RABGAP1L: variants seen among roughly 807,000 people sequenced by gnomAD.
RABGAP1L encodes rab GTPase-activating protein 1-like.
A neutral mutation model predicts 137.7 loss-of-function variants in RABGAP1L; 63 were observed. The observed-to-expected ratio is 0.46, with a 90% CI of 0.37 to 0.56. The LOEUF is 0.56. Among genes scored for constraint, RABGAP1L ranks in the 20% least tolerant of loss-of-function variants. The pLI, the probability that RABGAP1L is intolerant of heterozygous loss-of-function variation, is 0.00. For missense variants in RABGAP1L, 1,095 were observed against 1,244.0 expected (o/e 0.88, Z 1.80); for synonymous variants, 431 against 433.7 (o/e 0.99, Z 0.08).
chr1:174,801,314 A>G (rs1688740198), intron 18 of RABGAP1L, among the ~76,000 whole-genome samples: 1 of 152,218 alleles, frequency 6.6e-6, no homozygotes, highest in East Asian at 1.9e-4. Context: ...ACCATTTTAG[A>G]CTATTTCCTC....
chr1:174,181,850 G>A (rs1666396394), intron 1 of RABGAP1L, among the ~76,000 whole-genome samples: 1 of 152,156 alleles, frequency 6.6e-6, no homozygotes, highest in African/African-American at 2.4e-5. Flanking sequence ...GAGGTGGGTA[G>A]GAATGATTAT....
At chr1:174,481,806 A>C (rs1050563095) in intron 13 of RABGAP1L, among the ~76,000 whole-genome samples, 13 of 151,936 alleles carry the variant, frequency 8.6e-5, no homozygotes, top group African/African-American at 2.9e-4. Flanking sequence ...GCGCACCAGC[A>C]TGGCACATGT....
In RABGAP1L at chr1:174,700,805, A is replaced by G. The variant is rs935887773; in HGVS notation, c.2025+1155A>G. 27 of 204,668 alleles carry G rather than the reference A, an allele frequency of 1.3e-4. No homozygotes were observed. In the East Asian group the frequency reaches 1.5e-3, roughly 11 times the overall value. The allele number at this position is 204,668 out of a possible 1,614,324, so 12.7% of individuals were successfully genotyped here. On this transcript the variant is annotated intron_variant, in intron 16 of 25. Coordinates refer to ENST00000681986, the MANE Select transcript of RABGAP1L (RefSeq NM_001366446.1). Reference sequence around the variant, plus strand: ...TTTAACGATTTAATTCTACCAAGTAAATATTTGGGATTACTCGCTTTTTGC... The same window carrying G: ...TTTAACGATTTAATTCTACCAAGTAGATATTTGGGATTACTCGCTTTTTGC...
chr1:174,805,448 A>G (rs1689198106), intron 18 of RABGAP1L, among the ~76,000 whole-genome samples: 1 of 152,210 alleles, frequency 6.6e-6, no homozygotes, highest in African/African-American at 2.4e-5. Context: ...AGGGAGCAAA[A>G]GACGGTTGTG....
chr1:174,259,551 A>C (rs1373815661), intron 7 of RABGAP1L, among the ~76,000 whole-genome samples: 2 of 152,238 alleles, frequency 1.3e-5, no homozygotes, highest in Non-Finnish European at 2.9e-5. Context: ...ATAAAGTTAG[A>C]GCATTGGCTA....
chr1:174,267,368 A>AT (rs1674163119), intron 7 of RABGAP1L, among the ~76,000 whole-genome samples: 1 of 152,236 alleles, frequency 6.6e-6, no homozygotes, highest in Non-Finnish European at 1.5e-5. Flanking sequence ...GAGATGTAGA[A>AT]TAAATAGCTG....
chr1:174,683,484 CTATT>C (rs776764499), intron 14 of RABGAP1L, 34 bp from the exon 15 acceptor site: 4 of 1,495,110 alleles, frequency 2.7e-6, no homozygotes, highest in Admixed American at 1.7e-5. Flanking sequence ...AAATCTGTGA[CTATT>C]TACGATATTT....
chr1:174,818,810 A>T (rs1573348647), intron 19 of RABGAP1L, among the ~76,000 whole-genome samples: 1 of 151,228 alleles, frequency 6.6e-6, no homozygotes, highest in Non-Finnish European at 1.5e-5. Context: ...GGAGTTTAAG[A>T]CCAGCCTGGG....
intron 13 of RABGAP1L, among the ~76,000 whole-genome samples, chr1:174,504,034 G>A (rs144488587): frequency 0.026 from 3,971 of 150,808 alleles, 74 homozygotes; most frequent in Middle Eastern, 0.083. Flanking sequence ...GTGCAGTGGT[G>A]TAATCTCGGC....
chr1:174,701,999 G>T, intron 16 of RABGAP1L, 114 bp from the exon 17 acceptor site: 1 of 924,326 alleles, frequency 1.1e-6, no homozygotes, highest in South Asian at 1.7e-5. Context: ...ACCAATACTA[G>T]AATAGAGTTA....
At chr1:174,720,323 A>G (rs1465772178) in intron 17 of RABGAP1L, among the ~76,000 whole-genome samples, 1 of 139,196 alleles carries the variant, frequency 7.2e-6, no homozygotes, top group Non-Finnish European at 1.5e-5. Flanking sequence ...TTTTTTTTTG[A>G]GACAGGGTCT....
chr1:174,196,262 C>T lies in RABGAP1L; in HGVS notation c.-33-22863C>T, dbSNP rs1270982714. 1.9e-4 allele frequency among the ~76,000 whole-genome samples: 28 copies of T among 145,598 alleles called. 1 individual carries two copies. Among genetic ancestry groups the T allele is most frequent in the African/African-American group, 6.1e-4 (24 of 39,530 alleles). On this transcript the variant is annotated intron_variant, in intron 1 of 25. Transcript: ENST00000681986. Reference sequence around the variant, plus strand: ...TTTTTGAGACTGAGTCTTGCTCTGTCGCCCAGGCTGGAGTGCAGTGGCACG... The same window carrying T: ...TTTTTGAGACTGAGTCTTGCTCTGTTGCCCAGGCTGGAGTGCAGTGGCACG...
chr1:174,857,978 T>C (rs1425069163), intron 19 of RABGAP1L, among the ~76,000 whole-genome samples: 2 of 152,174 alleles, frequency 1.3e-5, no homozygotes. Flanking sequence ...GAAAAACAAC[T>C]CCTCTCTATA....
At chr1:174,250,837 G>C (rs1045525946) in intron 6 of RABGAP1L, among the ~76,000 whole-genome samples, 1 of 152,058 alleles carries the variant, frequency 6.6e-6, no homozygotes, top group East Asian at 1.9e-4. Flanking sequence ...TTGTCACCCA[G>C]GCTGGAGTGT....
chr1:174,948,226 AAG>A (rs1420256545), intron 19 of RABGAP1L, among the ~76,000 whole-genome samples: 1 of 152,156 alleles, frequency 6.6e-6, no homozygotes, highest in African/African-American at 2.4e-5. Context: ...AAATAACTAA[AAG>A]AGTATAATTG....
intron 13 of RABGAP1L, among the ~76,000 whole-genome samples, chr1:174,595,810 T>G (rs1334053035): frequency 1.2e-5 from 1 of 81,828 alleles, no homozygotes; most frequent in Admixed American, 1.2e-4. Context: ...GTCTTTTTGT[T>G]TGTCTGTGCC....
intron 1 of RABGAP1L, among the ~76,000 whole-genome samples, chr1:174,166,229 T>TG (rs1014370226): frequency 1.3e-5 from 2 of 150,154 alleles, no homozygotes; most frequent in African/African-American, 4.9e-5. Context: ...GGAGAGACAG[T>TG]GTTTTTTTTT....
intron 13 of RABGAP1L, among the ~76,000 whole-genome samples, chr1:174,526,706 TG>T (rs1418227481): frequency 6.6e-6 from 1 of 152,124 alleles, no homozygotes; most frequent in Non-Finnish European, 1.5e-5. Context: ...TTTAAAAATT[TG>T]GGTCATTTCT....
intron 13 of RABGAP1L, among the ~76,000 whole-genome samples, chr1:174,443,514 A>G (rs377660886): frequency 2.6e-5 from 4 of 152,198 alleles, no homozygotes; most frequent in East Asian, 1.9e-4. Context: ...GGCAATTTCT[A>G]TGTCCTCCTG....
Sources: gnomAD v4.1 joint callset for allele counts (sites outside exome capture counted in the v4.1 genomes callset) on GRCh38, gnomAD v4.1.1 for gene constraint, MANE v1.5 for transcripts, NCBI Gene and HGNC (gene_info 2026-07-23, HGNC 2026-07-21) for gene names.